LRIG1: variants seen among roughly 807,000 people sequenced by gnomAD.
The protein encoded by LRIG1 is leucine rich repeats and immunoglobulin like domains 1.
In LRIG1, 48 loss-of-function variants were observed where a neutral mutation model predicts 99.2. The observed-to-expected ratio is 0.48, with a 90% confidence interval of 0.38 to 0.62. The LOEUF (loss-of-function observed/expected upper bound fraction) is 0.62. Ranked by LOEUF, LRIG1 falls within the 20% of genes least tolerant of loss-of-function variation. The pLI is 0.00. For synonymous variants in LRIG1, 772 were observed against 596.1 expected (o/e 1.29, Z -4.30); for missense variants, 1,646 against 1,434.4 (o/e 1.15, Z -2.38).
At chr3:66,429,783 GGTGGGT>G (rs578091845) in intron 3 of LRIG1, among the ~76,000 whole-genome samples, 182 of 138,262 alleles carry the variant, frequency 1.3e-3, no homozygotes, top group African/African-American at 5.4e-3. Flanking sequence ...GGGGAAACAG[GGTGGGT>G]GTGTGTGTGT....
At position 66,383,227 on chromosome 3, in the gene LRIG1, A is replaced by G. The variant is rs776934382; in HGVS notation, c.2246T>C (p.Val749Ala). The change falls in exon 15 of 19, where the codon GTG (valine) becomes GCG (alanine). Residue 749 changes from valine to alanine, a missense_variant. Coordinates refer to ENST00000273261, the MANE Select transcript of LRIG1 (RefSeq NM_015541.3). ...HHLTPDNQLL[V>A]VQNVVAEDAG... ...ATCCTCTGCCACCACGTTCTGAACC[A>G]CCAGGAGCTGGTTGTCAGGGGTCAA... 1 of 1,614,100 alleles carries G rather than the reference A, an allele frequency of 6.2e-7. No individual in the cohort carries two copies. The highest frequency in any genetic ancestry group is 1.3e-5 in the African/African-American group (1 of 74,942).
intron 15 of LRIG1, among the ~76,000 whole-genome samples, 180 bp from the exon 16 acceptor site, chr3:66,382,578 A>G (rs1264166276): frequency 1.3e-5 from 2 of 152,122 alleles, no homozygotes; most frequent in African/African-American, 4.8e-5. Context: ...GCTTTACTCT[A>G]CACCCAGCGT....
At chr3:66,396,943 G>A (rs1701873588) in intron 11 of LRIG1, among the ~76,000 whole-genome samples, 2 of 152,134 alleles carry the variant, frequency 1.3e-5, no homozygotes, top group Admixed American at 6.5e-5. Flanking sequence ...GCTCTGGAAG[G>A]AGAGCCATGG....
chr3:66,429,738 CA>C (rs1390823142), intron 3 of LRIG1, among the ~76,000 whole-genome samples: 41 of 151,464 alleles, frequency 2.7e-4, no homozygotes, highest in African/African-American at 9.7e-4. Context: ...TCAGTTGTAA[CA>C]AATGTACCAC....
At chr3:66,385,852 G>C (rs140452311) in intron 13 of LRIG1, 129 bp downstream of exon 13, 7 of 869,324 alleles carry the variant, frequency 8.1e-6, no homozygotes, top group Non-Finnish European at 1.3e-5. Context: ...GCAACAATAG[G>C]ATTTAACAGT....
At position 66,394,074 on chromosome 3, in the gene LRIG1, G is replaced by T; in HGVS notation, c.1434C>A (p.Ser478Arg). ...CAHPESLKGQ[S>R]IFSVPPESFV... ...AACTCTCTGGTGGCACAGAGAAAAT[G>T]CTCTGACCCTTCAGTGATTCTGGGT... Residue 478 changes from serine (S) to arginine (R), a missense_variant, in exon 12 of 19, where the codon AGC (serine) becomes AGA (arginine). By Grantham distance (110) the Ser-to-Arg change is moderately radical (BLOSUM62 -1). Coordinates refer to ENST00000273261, the MANE Select transcript of LRIG1 (RefSeq NM_015541.3). The T allele has an allele frequency of 6.2e-7, 1 of 1,614,120 alleles. No homozygotes were observed. Among genetic ancestry groups the T allele is most frequent in the Non-Finnish European group, 8.5e-7 (1 of 1,180,008 alleles).
At chr3:66,440,612 G>GA (rs1559800782) in intron 3 of LRIG1, among the ~76,000 whole-genome samples, 1 of 152,138 alleles carries the variant, frequency 6.6e-6, no homozygotes, top group Non-Finnish European at 1.5e-5. Context: ...GTTCAGTGTA[G>GA]ACAGCAGCAA....
In LRIG1 at chr3:66,382,291, C is replaced by T. The variant is rs971094641; in HGVS notation, c.2599G>A (p.Gly867Arg). 20 of 1,614,082 alleles carry T rather than the reference C, an allele frequency of 1.2e-5. No individual in the cohort carries two copies. Among genetic ancestry groups the T allele is most frequent in the African/African-American group, 1.3e-5 (1 of 74,934 alleles). ...VRTEGGPQAN[G>R]HIESNGVCPR... Reference sequence around the variant, plus strand: ...GCCTTACCATTGCTCTCAATGTGCCCATTGGCCTGAGGGCCACCCTCGGTC... The same window carrying T: ...GCCTTACCATTGCTCTCAATGTGCCTATTGGCCTGAGGGCCACCCTCGGTC... Residue 867 changes from glycine (G) to arginine (R), a missense_variant, in exon 16 of 19, where the codon GGG becomes AGG. Transcript: ENST00000273261.
intron 1 of LRIG1, 27 bp from the exon 2 acceptor site, chr3:66,462,536 C>T (rs766152272): frequency 1.0e-5 from 16 of 1,532,738 alleles, no homozygotes; most frequent in African/African-American, 4.1e-5. Flanking sequence ...GAGAAAAAAA[C>T]GGAATCAACA....
At chr3:66,415,119 A>G in intron 4 of LRIG1, 56 bp from the exon 5 acceptor site, 1 of 1,537,100 alleles carries the variant, frequency 6.5e-7, no homozygotes, top group Non-Finnish European at 8.8e-7. Flanking sequence ...TCCTCATTTC[A>G]TTATAGACAC....
At position 66,452,507 on chromosome 3, in the gene LRIG1, C is replaced by G. The variant is rs141246535; in HGVS notation, c.291-874G>C. The stretch of plus-strand genomic sequence containing the variant: ...CTTAAGAAAACCAAAGCAAAGTGTT[C>G]AGGCTTTCTGCCAGGTGATGGGCTA... On this transcript the variant is annotated intron_variant, in intron 2 of 18. Transcript: ENST00000273261. Among the ~76,000 whole-genome samples, 779 of 152,264 alleles carry G rather than the reference C, an allele frequency of 5.1e-3. 4 individuals carry two copies. The highest frequency in any genetic ancestry group is 8.3e-3 in the South Asian group (40 of 4,820).
At chr3:66,436,207 G>C (rs1575689757) in intron 3 of LRIG1, among the ~76,000 whole-genome samples, 1 of 152,184 alleles carries the variant, frequency 6.6e-6, no homozygotes, top group Non-Finnish European at 1.5e-5. Flanking sequence ...ACTTGGCCAA[G>C]GAAGACGTGC....
At position 66,379,053 on chromosome 3, in the gene LRIG1, T is replaced by C. The variant is rs1398211305; in HGVS notation, c.*1210A>G. 6.5e-6 allele frequency: 1 copy of C among 152,674 alleles called. No individual in the cohort carries two copies. The highest frequency in any genetic ancestry group is 2.4e-5 in the African/African-American group (1 of 41,460). The allele number at this position is 152,674 out of a possible 1,614,324, so 9.5% of individuals were successfully genotyped here. A position where few individuals can be genotyped will look rare whatever the true frequency, so the allele number is the denominator to read the frequency against. On this transcript the variant is annotated 3_prime_UTR_variant, in exon 19 of 19. Coordinates refer to ENST00000273261, the MANE Select transcript of LRIG1 (RefSeq NM_015541.3). ...TTACCTTTTGAACAGTGATGACACCTGACAGTAATTGTTAACTATTTTCTC... is the reference window on the plus strand; with the variant it reads ...TTACCTTTTGAACAGTGATGACACCCGACAGTAATTGTTAACTATTTTCTC...
chr3:66,498,124 A>G (rs946106519), intron 1 of LRIG1: 1 of 152,226 alleles, frequency 6.6e-6, no homozygotes, highest in Admixed American at 6.5e-5. Flanking sequence ...TTTGCACTGC[A>G]TACTGTGTTG....
intron 3 of LRIG1, among the ~76,000 whole-genome samples, chr3:66,420,500 A>G (rs1702769778): frequency 6.6e-6 from 1 of 152,238 alleles, no homozygotes; most frequent in Admixed American, 6.5e-5. Flanking sequence ...TCAAAGAGAC[A>G]TGTGTATCCT....
intron 2 of LRIG1, among the ~76,000 whole-genome samples, chr3:66,457,207 T>C (rs1176257269): frequency 1.3e-5 from 2 of 152,218 alleles, no homozygotes; most frequent in Non-Finnish European, 2.9e-5. Context: ...TGGGCAACAC[T>C]GGAGACTGGT....
intron 3 of LRIG1, among the ~76,000 whole-genome samples, chr3:66,444,090 G>T (rs963629406): frequency 4.6e-5 from 7 of 152,176 alleles, no homozygotes; most frequent in Admixed American, 1.3e-4. Context: ...CAAAAGAAAG[G>T]TAAGTGTGCT....
At chr3:66,489,376 G>T (rs1234732665) in intron 1 of LRIG1, among the ~76,000 whole-genome samples, 1 of 152,136 alleles carries the variant, frequency 6.6e-6, no homozygotes, top group Non-Finnish European at 1.5e-5. Context: ...ATAAAAACTA[G>T]CCAGGTGTGG....
rs2106642566 is a variant in LRIG1 at position 66,405,242 on chromosome 3, C to T, written c.1116G>A (p.Glu372=). 1.9e-6 allele frequency: 3 copies of T among 1,614,218 alleles called. No individual in the cohort carries two copies. The highest frequency in any genetic ancestry group is 2.2e-5 in the East Asian group (1 of 44,886). Residue 372 remains glutamate, a synonymous_variant, in exon 9 of 19, where the codon GAG becomes GAA. Coordinates refer to ENST00000273261, the MANE Select transcript of LRIG1 (RefSeq NM_015541.3). ...GCCCTGAGAAGGCGCCGCTCGTGTC[C>T]TCTATTGTGCCCGAAATCTCGTTAT... ...LDHNEISGTI[E]DTSGAFSGLD...
Sources: allele counts gnomAD v4.1 joint callset (sites outside exome capture counted in the v4.1 genomes callset), GRCh38; gene constraint gnomAD v4.1.1; transcripts MANE v1.5; gene names NCBI Gene and HGNC (gene_info 2026-07-23, HGNC 2026-07-21).